The following PDE6B variants were observed in gnomAD, a reference collection of about 807,000 sequenced individuals.
PDE6B encodes rod cGMP-specific 3',5'-cyclic phosphodiesterase subunit beta.
A neutral mutation model predicts 109.0 loss-of-function variants in PDE6B; 106 were observed. The observed-to-expected ratio is 0.97, with a 90% confidence interval of 0.83 to 1.14. The LOEUF (loss-of-function observed/expected upper bound fraction) is 1.14, where lower values mean the gene tolerates loss of function less well. Among genes scored for constraint, PDE6B ranks in the 50% most tolerant of loss-of-function variants. PDE6B has a pLI of 0.00. For missense variants in PDE6B, 1,193 were observed against 1,155.6 expected (o/e 1.03, Z -0.47); for synonymous variants, 490 against 471.3 (o/e 1.04, Z -0.51).
In PDE6B at chr4:626,271, G is replaced by T. The variant is rs1027624610; in HGVS notation, c.468+177G>T. ...CCCCTCCCGGCACTGTGCCCTGGCC[G>T]CCTGCCTCTCCGACTCGGCTTCTGG... On this transcript the variant is annotated intron_variant, in intron 1 of 21. Coordinates refer to ENST00000496514, the MANE Select transcript of PDE6B (RefSeq NM_000283.4). The surrounding 1 kb of genome is among the most constrained non-coding windows in gnomAD (Gnocchi z 4.6). Among the ~76,000 whole-genome samples the T allele has an allele frequency of 3.9e-5, 6 of 152,200 alleles. No homozygotes were observed. Among genetic ancestry groups the T allele is most frequent in the Non-Finnish European group, 1.5e-5 (1 of 68,026 alleles).
rs1289044408 is a variant in PDE6B, at chr4:670,377, G to A, written c.*270G>A. On this transcript the variant is annotated 3_prime_UTR_variant, in exon 22 of 22. Coordinates refer to ENST00000496514, the MANE Select transcript of PDE6B (RefSeq NM_000283.4). Reference sequence around the variant, plus strand: ...CGTGCCTCAGCCTCCTGAGTAGCTGGGACTACAGGCGCCCACCACCACACA... The same window carrying A: ...CGTGCCTCAGCCTCCTGAGTAGCTGAGACTACAGGCGCCCACCACCACACA... 1 of 397,496 alleles carries A rather than the reference G, an allele frequency of 2.5e-6. No homozygotes were observed. Among genetic ancestry groups the A allele is most frequent in the African/African-American group, 2.1e-5 (1 of 48,090 alleles). 24.6% of individuals were successfully genotyped at this position (397,496 alleles called of 1,614,324 possible).
At chr4:635,545 G>A (rs1258270318) in intron 2 of PDE6B, among the ~76,000 whole-genome samples, 9 of 142,192 alleles carry the variant, frequency 6.3e-5, no homozygotes, top group Non-Finnish European at 9.1e-5. Flanking sequence ...CTGCCTGCCC[G>A]CGTGTTCTGT....
intron 3 of PDE6B, 121 bp from the exon 4 acceptor site, chr4:653,731 G>A (rs2109191032): frequency 9.0e-7 from 1 of 1,106,518 alleles, no homozygotes; most frequent in Non-Finnish European, 1.4e-6. Context: ...TCCACGGCTG[G>A]GCAGGTGGTC....
chr4:639,146 G>T (rs926432628), intron 3 of PDE6B, among the ~76,000 whole-genome samples: 2 of 150,806 alleles, frequency 1.3e-5, no homozygotes, highest in African/African-American at 2.5e-5. Context: ...TTTTTGGGGG[G>T]TGTTTTTTTT....
At chr4:657,069 G>T (rs748187495) in intron 9 of PDE6B, 46 bp downstream of exon 9, 1 of 1,591,040 alleles carries the variant, frequency 6.3e-7, no homozygotes, top group Admixed American at 1.7e-5. Flanking sequence ...GCCCTGCGAG[G>T]GGTGGGGCCT....
At chr4:659,486 T>C (rs554304759) in intron 11 of PDE6B, among the ~76,000 whole-genome samples, 3 of 151,246 alleles carry the variant, frequency 2.0e-5, no homozygotes, top group East Asian at 4.1e-4. Context: ...GGTGTCTGTG[T>C]GTGCACAAGT....
At position 636,115 on chromosome 4, in the gene PDE6B, G is replaced by A. The variant is rs893840568; in HGVS notation, c.711+146G>A. The A allele has an allele frequency of 1.2e-5, 8 of 654,768 alleles. No individual in the cohort carries two copies. Among genetic ancestry groups the A allele is most frequent in the South Asian group, 8.5e-5 (5 of 59,152 alleles). 40.6% of individuals were successfully genotyped at this position (654,768 alleles called of 1,614,324 possible). On this transcript the variant is annotated intron_variant, in intron 3 of 21. Transcript: ENST00000496514. This position sits in a 1 kb window ranked among gnomAD's most constrained non-coding sequence, Gnocchi z 4.5. ...TGGGCATTGCTCAGGGGAGAGGAGG[G>A]CTCCATGGCTTCTGTGGCTGTGCTG... is the stretch of plus-strand genomic sequence containing the variant.
At chr4:655,002 G>A (rs556011206) in intron 6 of PDE6B, 114 bp downstream of exon 6, 28 of 762,522 alleles carry the variant, frequency 3.7e-5, no homozygotes, top group African/African-American at 6.8e-5. Context: ...CAGCAGCACC[G>A]GCCTGGCCTG....
Position 662,152 on chromosome 4 carries a change from TTCTCCA to T in PDE6B, c.1636_1641del (p.Ile547_Ser548del). ...CCCCCAGGTCCTGGTGCGGTTCCTG[TTCTCCA>T]TCAGCAAAGGGTACCGGAGAATCAC... is the stretch of plus-strand genomic sequence containing the variant. On this transcript the variant is annotated inframe_deletion, in exon 13 of 22. Transcript: ENST00000496514. This position sits in a 1 kb window ranked among gnomAD's most constrained non-coding sequence, Gnocchi z 4.3. 6.4e-7 allele frequency: 1 copy of T among 1,567,934 alleles called. No homozygotes were observed. Among genetic ancestry groups the T allele is most frequent in the East Asian group, 2.3e-5 (1 of 42,686 alleles).
rs974105400 is a variant in PDE6B, at chr4:666,951, G to A, written c.2352+337G>A. Among the ~76,000 whole-genome samples the A allele has an allele frequency of 1.3e-5, 2 of 152,226 alleles. No individual in the cohort carries two copies. Among genetic ancestry groups the A allele is most frequent in the Non-Finnish European group, 1.5e-5 (1 of 68,036 alleles). ...CCGTGGCCAGCACACTGTTTTGGGG[G>A]CCTTGGCTGCAGCTCTGTGGGTTCA... On this transcript the variant is annotated intron_variant, in intron 20 of 21. Transcript: ENST00000496514. The surrounding 1 kb of genome is among the most constrained non-coding windows in gnomAD (Gnocchi z 5.6).
At position 626,454 on chromosome 4, in the gene PDE6B, AGACT is replaced by A. The variant is rs1734107841; in HGVS notation, c.468+364_468+367del. Among the ~76,000 whole-genome samples the A allele has an allele frequency of 6.6e-6, 1 of 152,182 alleles. No homozygotes were observed. Among genetic ancestry groups the A allele is most frequent in the African/African-American group, 2.4e-5 (1 of 41,450 alleles). On this transcript the variant is annotated intron_variant, in intron 1 of 21. Coordinates refer to ENST00000496514, the MANE Select transcript of PDE6B (RefSeq NM_000283.4). The surrounding 1 kb of genome is among the most constrained non-coding windows in gnomAD (Gnocchi z 4.6). ...CTGTGAGGACCCCTGGCTTCCAGGA[AGACT>A]GACCAGATGGGGGCTTCAGGGCTCT...
intron 11 of PDE6B, 58 bp downstream of exon 11, chr4:659,075 A>AACTCTTCCTCCC: frequency 7.7e-7 from 1 of 1,293,288 alleles, no homozygotes; most frequent in Non-Finnish European, 1.1e-6. Flanking sequence ...GGCTGGGAGG[A>AACTCTTCCTCCC]AGAGTTCTGC....
At chr4:650,360 CT>C (rs939558178) in intron 3 of PDE6B, among the ~76,000 whole-genome samples, 21 of 152,374 alleles carry the variant, frequency 1.4e-4, no homozygotes, top group South Asian at 1.0e-3. Context: ...CCGGCCCCCC[CT>C]GTCCCCACTG....
chr4:647,274 A>G (rs1377896635), intron 3 of PDE6B, among the ~76,000 whole-genome samples: 1 of 151,860 alleles, frequency 6.6e-6, no homozygotes, highest in African/African-American at 2.4e-5. Context: ...GCCTTTTAGC[A>G]TGACTTATAA....
Position 660,464 on chromosome 4 carries a change from CAGA to C in PDE6B, c.1468_1470del (p.Lys490del), listed in dbSNP as rs764601732. Reference sequence around the variant, plus strand: ...CTCCCTCAGCCCACAATCCCTCCCACAGAAGGAGGAGCTGCCAGGGCCCACCAC... The same window carrying C: ...CTCCCTCAGCCCACAATCCCTCCCACAGGAGGAGCTGCCAGGGCCCACCAC... On this transcript the variant is annotated splice_acceptor_variant and coding_sequence_variant, in exon 12 of 22. Transcript: ENST00000496514. LOFTEE classifies it high-confidence loss of function. The C allele has an allele frequency of 2.4e-5, 38 of 1,613,680 alleles. No individual in the cohort carries two copies. The highest frequency in any genetic ancestry group is 3.3e-5 in the Admixed American group (2 of 60,006).
At chr4:627,240 C>G (rs1459481809) in intron 1 of PDE6B, among the ~76,000 whole-genome samples, 3 of 151,804 alleles carry the variant, frequency 2.0e-5, no homozygotes, top group Admixed American at 6.6e-5. Flanking sequence ...CCGTCTCCCA[C>G]GTTCAAGCGA....
rs1390614815 is a variant in PDE6B, at chr4:670,669, A to G, written c.*562A>G. The G allele has an allele frequency of 5.8e-6, 1 of 172,024 alleles. No individual in the cohort carries two copies. The highest frequency in any genetic ancestry group is 1.3e-5 in the Non-Finnish European group (1 of 78,806). The allele number at this position is 172,024 out of a possible 1,614,324, so 10.7% of individuals were successfully genotyped here. A position where few individuals can be genotyped will look rare whatever the true frequency, so the allele number is the denominator to read the frequency against. On this transcript the variant is annotated 3_prime_UTR_variant, in exon 22 of 22. Transcript: ENST00000496514. ...CTCTGAAATCACTGAGAACATTTGC[A>G]GCCACACATGTACATATGTGTACAC...
intron 1 of PDE6B, among the ~76,000 whole-genome samples, chr4:632,430 A>T (rs1734433263): frequency 6.7e-6 from 1 of 150,244 alleles, no homozygotes; most frequent in South Asian, 2.1e-4. Context: ...CATTGTGGGG[A>T]TCTGTGTGGT....
chr4:641,923 A>G (rs901368048), intron 3 of PDE6B, among the ~76,000 whole-genome samples: 1 of 152,202 alleles, frequency 6.6e-6, no homozygotes, highest in Admixed American at 6.5e-5. Context: ...CTGGAATTAC[A>G]GGCCTGAGCC....
Sources: gnomAD v4.1 joint callset for allele counts (sites outside exome capture counted in the v4.1 genomes callset) on GRCh38, gnomAD v4.1.1 for gene constraint, Gnocchi (gnomAD v3.1) non-coding constraint, MANE v1.5 for transcripts, NCBI Gene and HGNC (gene_info 2026-07-23, HGNC 2026-07-21) for gene names.